Variants in RELN observed in about 807,000 individuals in gnomAD.
RELN encodes the protein reelin.
Under a neutral mutation model 427.6 loss-of-function variants are expected in RELN, and 108 were observed. The observed-to-expected ratio is 0.25, with a 90% confidence interval of 0.22 to 0.30. The LOEUF (loss-of-function observed/expected upper bound fraction) is 0.30, where lower values mean the gene tolerates loss of function less well. Among genes scored for constraint, RELN ranks in the 10% least tolerant of loss-of-function variants. RELN has a pLI of 1.00. For synonymous variants in RELN, 1,524 were observed against 1,513.4 expected (o/e 1.01, Z -0.16); for missense variants, 3,715 against 4,302.8 (o/e 0.86, Z 3.82).
At chr7:103,489,232 G>A (rs542091166) in intron 60 of RELN, among the ~76,000 whole-genome samples, 3 of 150,960 alleles carry the variant, frequency 2.0e-5, no homozygotes, top group East Asian at 3.9e-4. Flanking sequence ...GTGTGTGTCC[G>A]TGTCACAGTG....
chr7:103,784,430 T>G (rs544825127), intron 3 of RELN, among the ~76,000 whole-genome samples: 1 of 152,294 alleles, frequency 6.6e-6, no homozygotes, highest in South Asian at 2.1e-4. Context: ...GGCGTAAGCA[T>G]GTGAAAGCAT....
intron 40 of RELN, 120 bp downstream of exon 40, chr7:103,553,341 A>C: frequency 1.3e-6 from 1 of 744,764 alleles, no homozygotes; most frequent in Non-Finnish European, 2.3e-6. Flanking sequence ...AAAATCTCTT[A>C]CATCCTTGCA....
intron 46 of RELN, among the ~76,000 whole-genome samples, chr7:103,534,071 T>C (rs891020473): frequency 5.3e-5 from 8 of 152,254 alleles, no homozygotes; most frequent in Non-Finnish European, 8.8e-5. Context: ...AGGCTGTTAC[T>C]AACTGAAACC....
chr7:103,823,300 G>C (rs1032673092), intron 3 of RELN, among the ~76,000 whole-genome samples: 4 of 151,818 alleles, frequency 2.6e-5, no homozygotes, highest in South Asian at 4.2e-4. Context: ...ACAGTGTTTC[G>C]CCTGGTGAAT....
At chr7:103,876,511 T>C (rs1195548551) in intron 2 of RELN, among the ~76,000 whole-genome samples, 1 of 152,120 alleles carries the variant, frequency 6.6e-6, no homozygotes, top group Non-Finnish European at 1.5e-5. Context: ...AATATGTTAT[T>C]ACTAACATTA....
Position 103,988,862 on chromosome 7 carries a change from C to T in RELN, c.226+269G>A, listed in dbSNP as rs539486734. On this transcript the variant is annotated intron_variant, in intron 1 of 64. Coordinates refer to ENST00000428762, the MANE Select transcript of RELN (RefSeq NM_005045.4). This position sits in a 1 kb window ranked among gnomAD's most constrained non-coding sequence, Gnocchi z 4.9. ...TACGGGGAGTGAGGGGGAAAGACAC[C>T]GGCCTCCAAGAATTCTCAGGCGTTT... Among the ~76,000 whole-genome samples, 9 of 152,164 alleles carry T rather than the reference C, an allele frequency of 5.9e-5. No homozygotes were observed. The highest frequency in any genetic ancestry group is 5.9e-4 in the Admixed American group (9 of 15,288).
chr7:103,669,245 T>C (rs917336459), intron 11 of RELN, among the ~76,000 whole-genome samples: 8 of 152,224 alleles, frequency 5.3e-5, no homozygotes, highest in Admixed American at 5.2e-4. Flanking sequence ...GGAAGTTTAG[T>C]CTACTTTGAA....
intron 2 of RELN, among the ~76,000 whole-genome samples, chr7:103,870,261 C>T (rs1420321158): frequency 6.6e-6 from 1 of 151,892 alleles, no homozygotes; most frequent in African/African-American, 2.4e-5. Flanking sequence ...CTATTGAATG[C>T]TTTTTTCTTG....
intron 11 of RELN, among the ~76,000 whole-genome samples, chr7:103,665,845 G>C (rs1300690757): frequency 6.6e-6 from 1 of 151,882 alleles, no homozygotes; most frequent in African/African-American, 2.4e-5. Flanking sequence ...TATGGGACCT[G>C]TATTGAAATG....
chr7:103,746,455 G>T (rs1354030813), intron 6 of RELN, among the ~76,000 whole-genome samples: 2 of 151,720 alleles, frequency 1.3e-5, no homozygotes, highest in African/African-American at 4.9e-5. Context: ...CACAGCAAAA[G>T]AAACTACTAT....
intron 1 of RELN, among the ~76,000 whole-genome samples, chr7:103,928,801 A>C (rs758739587): frequency 4.0e-5 from 6 of 150,100 alleles, no homozygotes; most frequent in Non-Finnish European, 5.9e-5. Flanking sequence ...ATGATGAGCC[A>C]ACATTGCAGG....
intron 2 of RELN, among the ~76,000 whole-genome samples, chr7:103,872,044 T>TTTTTTC (rs753361224): frequency 0.15 from 15,075 of 98,980 alleles, 791 homozygotes; most frequent in Non-Finnish European, 0.21. Context: ...TTCTTTTTTC[T>TTTTTTC]TTTTTTTCTT....
intron 4 of RELN, among the ~76,000 whole-genome samples, chr7:103,759,516 C>T (rs927707351): frequency 6.6e-6 from 1 of 151,950 alleles, no homozygotes; most frequent in Non-Finnish European, 1.5e-5. Flanking sequence ...GCTCTTAGCT[C>T]GTATATGTTA....
chr7:103,926,294 C>T (rs1344037184), intron 1 of RELN, among the ~76,000 whole-genome samples: 2 of 151,932 alleles, frequency 1.3e-5, no homozygotes, highest in Admixed American at 1.3e-4. Context: ...TGGGGTTTCA[C>T]CATGTTGGCC....
In RELN at chr7:103,807,637, C is replaced by T. The variant is rs566730786; in HGVS notation, c.473+25900G>A. On this transcript the variant is annotated intron_variant, in intron 3 of 64. Transcript: ENST00000428762. The stretch of plus-strand genomic sequence containing the variant: ...CCACCCTCCCCTCTCAAGCAGTCCC[C>T]AGTGTCTATTGCTCCCATCTTTGTG... Among the ~76,000 whole-genome samples, 41 of 152,162 alleles carry T rather than the reference C, an allele frequency of 2.7e-4. 1 individual carries two copies. The South Asian group carries it at 8.3e-3, about 31-fold the overall frequency.
rs1007513865 is a variant in RELN at position 103,985,223 on chromosome 7, C to G, written c.226+3908G>C. ...ATAGTGATGCCGGACTTACAAAATA[C>G]AGTAAAATCCCCCTTTTAAAACATC... On this transcript the variant is annotated intron_variant, in intron 1 of 64. Transcript: ENST00000428762. Among the ~76,000 whole-genome samples the G allele has an allele frequency of 3.3e-5, 5 of 152,038 alleles. No homozygotes were observed. In the South Asian group the frequency reaches 1.0e-3, roughly 32 times the overall value.
chr7:103,706,174 T>A (rs969895897), intron 8 of RELN, among the ~76,000 whole-genome samples: 6 of 151,856 alleles, frequency 4.0e-5, no homozygotes, highest in Admixed American at 3.9e-4. Context: ...TTTGTTAGCA[T>A]CATTGGTAAA....
intron 46 of RELN, among the ~76,000 whole-genome samples, chr7:103,531,883 T>C (rs1829947597): frequency 6.6e-6 from 1 of 152,148 alleles, no homozygotes; most frequent in Non-Finnish European, 1.5e-5. Context: ...TGGAAGACAG[T>C]GTGGCATTTC....
At chr7:103,846,403 T>G (rs1793678381) in intron 2 of RELN, among the ~76,000 whole-genome samples, 1 of 152,220 alleles carries the variant, frequency 6.6e-6, no homozygotes, top group South Asian at 2.1e-4. Flanking sequence ...GACCCCTTCC[T>G]TACACTTTAT....
Sources: allele counts gnomAD v4.1 joint callset (sites outside exome capture counted in the v4.1 genomes callset), GRCh38; gene constraint gnomAD v4.1.1; non-coding constraint Gnocchi (gnomAD v3.1); transcripts MANE v1.5; gene names NCBI Gene and HGNC (gene_info 2026-07-23, HGNC 2026-07-21).